Variants in DYM observed in about 807,000 individuals in gnomAD.
DYM encodes dyggve-Melchior-Clausen syndrome protein.
DYM carries 78 observed loss-of-function variants against 93.1 expected under a neutral mutation model. That is an observed-to-expected ratio of 0.84 (90% CI 0.70 to 1.01). DYM has a LOEUF of 1.01. Among genes scored for constraint, DYM ranks in the 50% least tolerant of loss-of-function variants. The pLI, the probability that DYM is intolerant of heterozygous loss-of-function variation, is 0.00. For missense variants in DYM, 789 were observed against 845.0 expected (o/e 0.93, Z 0.82); for synonymous variants, 321 against 319.7 (o/e 1.00, Z -0.04).
chr18:49,113,258 G>T (rs1320049195), intron 16 of DYM, among the ~76,000 whole-genome samples: 3 of 152,094 alleles, frequency 2.0e-5, no homozygotes, highest in African/African-American at 4.8e-5. Context: ...ACTATACAAT[G>T]GTTATAGTTC....
chr18:49,066,133 A>G (rs1223088758), intron 17 of DYM, among the ~76,000 whole-genome samples: 1 of 149,872 alleles, frequency 6.7e-6, no homozygotes. Flanking sequence ...GTTTTTTGCC[A>G]TATAGCAAAA....
At chr18:49,093,752 A>G (rs1489533076) in intron 17 of DYM, among the ~76,000 whole-genome samples, 2 of 152,306 alleles carry the variant, frequency 1.3e-5, no homozygotes, top group East Asian at 3.9e-4. Context: ...TACAGCACTC[A>G]GGAATCTGCT....
chr18:49,220,017 C>T (rs1326939304), intron 13 of DYM, among the ~76,000 whole-genome samples: 2 of 151,666 alleles, frequency 1.3e-5, no homozygotes, highest in African/African-American at 2.4e-5. Context: ...ATTGTCTCAG[C>T]CCAAAATCTC....
At chr18:49,120,314 C>A (rs925773748) in intron 15 of DYM, among the ~76,000 whole-genome samples, 4 of 152,086 alleles carry the variant, frequency 2.6e-5, no homozygotes, top group Admixed American at 6.5e-5. Context: ...TAAAAGCACA[C>A]CACCCAACTA....
intron 1 of DYM, among the ~76,000 whole-genome samples, chr18:49,454,049 C>A (rs149742320): frequency 3.7e-4 from 57 of 152,300 alleles, no homozygotes; most frequent in African/African-American, 8.7e-4. Flanking sequence ...CCAAATGATG[C>A]TGCAGACAGA....
chr18:49,209,973 TACATC>T (rs1274100110), intron 13 of DYM, among the ~76,000 whole-genome samples: 1 of 152,184 alleles, frequency 6.6e-6, no homozygotes, highest in Non-Finnish European at 1.5e-5. Context: ...TTTAACATCA[TACATC>T]ACTAGGAAAA....
chr18:49,049,894 A>G (rs913462310), intron 17 of DYM: 3 of 154,316 alleles, frequency 1.9e-5, no homozygotes, highest in Non-Finnish European at 2.9e-5. Context: ...GTGCTGACAA[A>G]TGGCTTAAAG....
At chr18:49,224,609 G>C (rs926560497) in intron 13 of DYM, among the ~76,000 whole-genome samples, 18 of 151,988 alleles carry the variant, frequency 1.2e-4, no homozygotes, top group African/African-American at 4.4e-4. Flanking sequence ...CCTTACAAGA[G>C]TCCGAGAGAG....
intron 8 of DYM, among the ~76,000 whole-genome samples, chr18:49,289,502 G>C (rs1225727256): frequency 6.9e-6 from 1 of 144,908 alleles, no homozygotes; most frequent in Non-Finnish European, 1.5e-5. Flanking sequence ...AGAAGTTGAA[G>C]ACCAGCCTGG....
At chr18:49,131,519 C>G (rs1324119699) in intron 15 of DYM, among the ~76,000 whole-genome samples, 1 of 152,156 alleles carries the variant, frequency 6.6e-6, no homozygotes, top group Non-Finnish European at 1.5e-5. Flanking sequence ...GCCACCACGC[C>G]CAGTCTCTGC....
At chr18:49,203,805 C>A (rs1035233566) in intron 14 of DYM, among the ~76,000 whole-genome samples, 1 of 135,298 alleles carries the variant, frequency 7.4e-6, no homozygotes, top group Admixed American at 7.7e-5. Context: ...TGTCCCATGA[C>A]CCTGCCAAAT....
At chr18:49,062,417 CTG>C (rs1446058839) in intron 17 of DYM, among the ~76,000 whole-genome samples, 1 of 152,186 alleles carries the variant, frequency 6.6e-6, no homozygotes, top group Non-Finnish European at 1.5e-5. Flanking sequence ...CAGGCCTTGA[CTG>C]TGGGATCTCC....
chr18:49,166,168 T>C (rs1358526171), intron 14 of DYM, among the ~76,000 whole-genome samples: 1 of 152,220 alleles, frequency 6.6e-6, no homozygotes, highest in East Asian at 1.9e-4. Flanking sequence ...TTAAGTTTAT[T>C]GTGTATGATT....
intron 1 of DYM, among the ~76,000 whole-genome samples, chr18:49,448,673 C>G (rs984944216): frequency 6.6e-6 from 1 of 152,160 alleles, no homozygotes; most frequent in African/African-American, 2.4e-5. Context: ...CCCACTGCTT[C>G]CTCTCCACCA....
At chr18:49,212,827 G>C (rs1237960694) in intron 13 of DYM, among the ~76,000 whole-genome samples, 2 of 151,782 alleles carry the variant, frequency 1.3e-5, no homozygotes, top group African/African-American at 4.8e-5. Context: ...AAAAAAAATA[G>C]AACTGATCTT....
chr18:49,160,387 G>A (rs2086950382), intron 15 of DYM, among the ~76,000 whole-genome samples: 1 of 152,172 alleles, frequency 6.6e-6, no homozygotes, highest in Non-Finnish European at 1.5e-5. Flanking sequence ...CAACTGATTT[G>A]TGAATTATAC....
intron 1 of DYM, among the ~76,000 whole-genome samples, chr18:49,430,722 T>C (rs972127601): frequency 6.6e-6 from 1 of 151,882 alleles, no homozygotes; most frequent in African/African-American, 2.4e-5. Flanking sequence ...CCGTCTCTAC[T>C]AAAAATACAA....
chr18:49,454,520 C>A (rs1316939897), intron 1 of DYM, among the ~76,000 whole-genome samples: 2 of 152,020 alleles, frequency 1.3e-5, no homozygotes, highest in Non-Finnish European at 1.5e-5. Flanking sequence ...AGGCAACCAG[C>A]CTTCCCCACA....
intron 2 of DYM, among the ~76,000 whole-genome samples, chr18:49,401,625 C>G (rs530814680): frequency 1.1e-4 from 16 of 151,984 alleles, no homozygotes; most frequent in East Asian, 7.8e-4. Flanking sequence ...ACCTTTCTCT[C>G]TCTCTCTCTC....
Sources: gnomAD v4.1 joint callset for allele counts (sites outside exome capture counted in the v4.1 genomes callset) on GRCh38, gnomAD v4.1.1 for gene constraint, MANE v1.5 for transcripts, NCBI Gene and HGNC (gene_info 2026-07-23, HGNC 2026-07-21) for gene names.